Variants in PACRG observed in about 807,000 individuals in gnomAD.
PACRG encodes parkin coregulated gene protein.
PACRG carries 29 observed loss-of-function variants against 29.7 expected under a neutral mutation model. The ratio of observed to expected loss-of-function variants is 0.98; its 90% CI spans 0.73 to 1.33. The LOEUF is 1.33. Among genes scored for constraint, PACRG ranks in the 40% most tolerant of loss-of-function variants. The pLI, the probability that PACRG is intolerant of heterozygous loss-of-function variation, is 0.00. For missense variants in PACRG, 279 were observed against 316.2 expected, an observed-to-expected ratio of 0.88 and a Z score of 0.89; for synonymous variants, 116 against 118.7, an observed-to-expected ratio of 0.98 and a Z score of 0.15.
At chr6:163,278,672 T>C (rs1404269161) in intron 4 of PACRG, among the ~76,000 whole-genome samples, 3 of 152,236 alleles carry the variant, frequency 2.0e-5, no homozygotes. Context: ...CTGGGTTCTC[T>C]ATTCTGTTCC....
chr6:162,913,570 A>G (rs1584741017), intron 2 of PACRG, among the ~76,000 whole-genome samples: 1 of 152,224 alleles, frequency 6.6e-6, no homozygotes, highest in East Asian at 1.9e-4. Context: ...TTGGGGAAAT[A>G]CTTAGGAGTA....
intron 2 of PACRG, among the ~76,000 whole-genome samples, chr6:163,022,877 C>T (rs756355374): frequency 2.3e-4 from 35 of 152,134 alleles, no homozygotes; most frequent in Non-Finnish European, 4.4e-4. Context: ...CTATTAAGAG[C>T]AGAAAGGAGC....
chr6:163,222,406 C>G (rs911084316), intron 4 of PACRG, among the ~76,000 whole-genome samples: 1 of 152,102 alleles, frequency 6.6e-6, no homozygotes, highest in African/African-American at 2.4e-5. Flanking sequence ...ATGGTGAAAC[C>G]CCATCTCTAC....
intron 2 of PACRG, among the ~76,000 whole-genome samples, chr6:163,039,602 G>T (rs780509839): frequency 1.3e-5 from 2 of 152,170 alleles, no homozygotes; most frequent in Admixed American, 1.3e-4. Context: ...TGGAGATGAA[G>T]AATTTATTGG....
At chr6:162,854,166 GTTT>G (rs60399122) in intron 2 of PACRG, among the ~76,000 whole-genome samples, 1 of 140,272 alleles carries the variant, frequency 7.1e-6, no homozygotes. Flanking sequence ...TTTTCTTTCT[GTTT>G]TTTTTTTTTT....
At chr6:163,279,410 A>T (rs1046256698) in intron 4 of PACRG, among the ~76,000 whole-genome samples, 5 of 152,132 alleles carry the variant, frequency 3.3e-5, no homozygotes, top group Non-Finnish European at 5.9e-5. Flanking sequence ...TCCCTATTGC[A>T]ATTTGACTTT....
chr6:162,786,116 G>A (rs767823978), intron 1 of PACRG, among the ~76,000 whole-genome samples: 2 of 152,226 alleles, frequency 1.3e-5, no homozygotes, highest in African/African-American at 2.4e-5. Flanking sequence ...ACACAGAGGG[G>A]CAGATAAGGT....
At chr6:163,112,880 A>C (rs2128320336) in intron 4 of PACRG, among the ~76,000 whole-genome samples, 1 of 152,370 alleles carries the variant, frequency 6.6e-6, no homozygotes, top group South Asian at 2.1e-4. Flanking sequence ...CATTCAAAGT[A>C]AAAAATAAAT....
intron 1 of PACRG, among the ~76,000 whole-genome samples, chr6:162,755,562 A>T (rs1407169217): frequency 6.6e-6 from 1 of 152,016 alleles, no homozygotes; most frequent in Non-Finnish European, 1.5e-5. Context: ...CAGCCTCCTG[A>T]GTAGCTGGGA....
chr6:162,738,576 G>A (rs776800104), intron 1 of PACRG, among the ~76,000 whole-genome samples: 73 of 152,114 alleles, frequency 4.8e-4, no homozygotes, highest in Non-Finnish European at 9.3e-4. Context: ...CTAATGTGAG[G>A]CAAGCCCAAT....
chr6:162,844,976 C>T (rs1790228349), intron 2 of PACRG, among the ~76,000 whole-genome samples: 1 of 151,982 alleles, frequency 6.6e-6, no homozygotes, highest in Non-Finnish European at 1.5e-5. Context: ...CAATGTGAGT[C>T]TGCCTAGTAT....
At chr6:162,761,280 A>G (rs1782335548) in intron 1 of PACRG, among the ~76,000 whole-genome samples, 1 of 152,330 alleles carries the variant, frequency 6.6e-6, no homozygotes, top group South Asian at 2.1e-4. Context: ...GCTAAACAAA[A>G]TGCCATCTGT....
intron 2 of PACRG, among the ~76,000 whole-genome samples, chr6:162,972,214 T>C (rs1246510932): frequency 6.6e-6 from 1 of 152,182 alleles, no homozygotes; most frequent in Non-Finnish European, 1.5e-5. Context: ...ATGTTTGAGA[T>C]GTTTTCCACC....
At chr6:163,179,707 CAAAAAAA>C (rs200887172) in intron 4 of PACRG, among the ~76,000 whole-genome samples, 16 of 103,918 alleles carry the variant, frequency 1.5e-4, no homozygotes, top group Admixed American at 5.2e-4. Context: ...AGATCTGTCT[CAAAAAAA>C]AAAAAAAAAA....
chr6:163,060,586 T>G (rs1311089533), intron 2 of PACRG, among the ~76,000 whole-genome samples: 1 of 152,186 alleles, frequency 6.6e-6, no homozygotes, highest in Non-Finnish European at 1.5e-5. Flanking sequence ...CAACAGAGGA[T>G]CTGGACATTG....
At chr6:162,792,883 T>C (rs1427406921) in intron 1 of PACRG, among the ~76,000 whole-genome samples, 1 of 151,968 alleles carries the variant, frequency 6.6e-6, no homozygotes, top group Non-Finnish European at 1.5e-5. Context: ...GGAGCCAGAA[T>C]GCAAAATGAG....
chr6:162,795,348 T>G (rs1269785633), intron 1 of PACRG, among the ~76,000 whole-genome samples: 1 of 152,186 alleles, frequency 6.6e-6, no homozygotes, highest in African/African-American at 2.4e-5. Context: ...CTAATTCTGT[T>G]GTAAATTGAA....
intron 4 of PACRG, among the ~76,000 whole-genome samples, chr6:163,105,488 G>T (rs1815331934): frequency 6.6e-6 from 1 of 152,054 alleles, no homozygotes; most frequent in Non-Finnish European, 1.5e-5. Context: ...AAGCTGCAAA[G>T]GTTTAATTTG....
chr6:163,074,519 A>G lies in PACRG; in HGVS notation c.463+12198A>G, dbSNP rs181175151. Among the ~76,000 whole-genome samples, 1,342 of 151,952 alleles carry G rather than the reference A, an allele frequency of 8.8e-3. 10 individuals carry two copies. Among genetic ancestry groups the G allele is most frequent in the Non-Finnish European group, 0.013 (885 of 68,010 alleles). On this transcript the variant is annotated intron_variant, in intron 3 of 4. Coordinates refer to ENST00000366888, the MANE Select transcript of PACRG (RefSeq NM_001080379.2). ...CAAAACAGGGTGACTATAGTTGAAA[A>G]CGACTTAATCATTCATTTTTAAATA...
Sources: gnomAD v4.1 joint callset for allele counts (sites outside exome capture counted in the v4.1 genomes callset) on GRCh38, gnomAD v4.1.1 for gene constraint, MANE v1.5 for transcripts, NCBI Gene and HGNC (gene_info 2026-07-23, HGNC 2026-07-21) for gene names.